Variants in PLXNA1 observed in about 807,000 individuals in gnomAD.
PLXNA1 encodes the protein plexin A1.
A neutral mutation model predicts 191.7 loss-of-function variants in PLXNA1; 77 were observed. The observed-to-expected ratio is 0.40, with a 90% confidence interval of 0.33 to 0.49. PLXNA1 has a LOEUF of 0.49. Among genes scored for constraint, PLXNA1 ranks in the 20% least tolerant of loss-of-function variants. The pLI is 0.63. For synonymous variants in PLXNA1, 1,137 were observed against 1,156.4 expected, an observed-to-expected ratio of 0.98 and a Z score of 0.34; for missense variants, 2,110 against 2,660.2, an observed-to-expected ratio of 0.79 and a Z score of 4.55.
chr3:127,003,212 G>A lies in PLXNA1; in HGVS notation c.1378-118G>A, dbSNP rs934899663. ...AGTATGGCTGGCGCTGGTCCTCTCT[G>A]CTCATGCATGTCTGGGCAGCTCAGG... On this transcript the variant is annotated intron_variant, in intron 3 of 31. Coordinates refer to ENST00000393409, the MANE Select transcript of PLXNA1 (RefSeq NM_032242.4). 4.2e-6 allele frequency: 5 copies of A among 1,180,632 alleles called. No homozygotes were observed. In the African/African-American group the frequency reaches 7.7e-5, roughly 18 times the overall value. The allele number at this position is 1,180,632 out of a possible 1,614,324, so 73.1% of individuals were successfully genotyped here. A position where few individuals can be genotyped will look rare whatever the true frequency, so the allele number is the denominator to read the frequency against.
In PLXNA1 at chr3:127,032,509, C is replaced by T. The variant is rs760083466; in HGVS notation, c.5354C>T (p.Ser1785Phe). The T allele has an allele frequency of 1.2e-6, 2 of 1,614,092 alleles. No homozygotes were observed. Among genetic ancestry groups the T allele is most frequent in the Non-Finnish European group, 1.7e-6 (2 of 1,180,012 alleles). Residue 1785 changes from serine to phenylalanine, a missense_variant, in exon 30 of 32, where the codon TCC becomes TTC. Physicochemically the swap from Ser to Phe is radical, Grantham distance 155 (BLOSUM62 -2). This residue lies in a region of PLXNA1 where 559 missense variants were observed against 911.5 expected (regional missense o/e 0.61). Coordinates refer to ENST00000393409, the MANE Select transcript of PLXNA1 (RefSeq NM_032242.4). Reference protein sequence around the residue: ...VVAQTFMDSCSTSEHKLGKDS... With the variant: ...VVAQTFMDSCFTSEHKLGKDS... ...GCCCAGACCTTCATGGACTCCTGCTCCACCTCTGAGCACAAGCTGGGCAAG... is the reference window on the plus strand; with the variant it reads ...GCCCAGACCTTCATGGACTCCTGCTTCACCTCTGAGCACAAGCTGGGCAAG...
rs1480417136 is a variant in PLXNA1, at chr3:127,035,632, AGCAAAC to A, written c.*1616_*1621del. 9 of 152,640 alleles carry A rather than the reference AGCAAAC, an allele frequency of 5.9e-5. No individual in the cohort carries two copies. Among genetic ancestry groups the A allele is most frequent in the African/African-American group, 2.2e-4 (9 of 41,456 alleles). 9.5% of individuals were successfully genotyped at this position (152,640 alleles called of 1,614,324 possible). The stretch of plus-strand genomic sequence containing the variant: ...TTTTAATTAATCAGTCACTTGTAAA[AGCAAAC>A]AAGCGGTCCATCCCCTTTTCAAGGT... On this transcript the variant is annotated 3_prime_UTR_variant, in exon 32 of 32. Coordinates refer to ENST00000393409, the MANE Select transcript of PLXNA1 (RefSeq NM_032242.4).
At position 127,037,120 on chromosome 3, in the gene PLXNA1, GAT is replaced by G. The variant is rs2079248189; in HGVS notation, c.*3108_*3109del. The stretch of plus-strand genomic sequence containing the variant: ...ACGTTGGTGCTACACAGCTAGAATA[GAT>G]ATATTTAGAGAGAGAGATATTTTTA... On this transcript the variant is annotated 3_prime_UTR_variant, in exon 32 of 32. Transcript: ENST00000393409. 1 of 152,582 alleles carries G rather than the reference GAT, an allele frequency of 6.6e-6. No homozygotes were observed. Among genetic ancestry groups the G allele is most frequent in the African/African-American group, 2.4e-5 (1 of 41,466 alleles). 9.5% of individuals were successfully genotyped at this position (152,582 alleles called of 1,614,324 possible).
At chr3:127,009,730 T>C (rs545861197) in intron 9 of PLXNA1, among the ~76,000 whole-genome samples, 1 of 152,286 alleles carries the variant, frequency 6.6e-6, no homozygotes, top group East Asian at 1.9e-4. Context: ...TGGCCCCTTC[T>C]TGTGCCTGCC....
chr3:127,026,314 G>A (rs1472165202), intron 23 of PLXNA1: 1 of 152,200 alleles, frequency 6.6e-6, no homozygotes, highest in Admixed American at 6.5e-5. Flanking sequence ...GCCTTCTCTG[G>A]GTACACCTGG....
At position 126,989,802 on chromosome 3, in the gene PLXNA1, G is replaced by A. The variant is rs1380942647; in HGVS notation, c.1194+15G>A. The stretch of plus-strand genomic sequence containing the variant: ...GCATCAACTCGGTGAGTTGGGCAGG[G>A]GCGCCCCTCCTCCCGCGGCCCCATC... On this transcript the variant is annotated intron_variant, in intron 2 of 31. Coordinates refer to ENST00000393409, the MANE Select transcript of PLXNA1 (RefSeq NM_032242.4). 5 of 1,586,774 alleles carry A rather than the reference G, an allele frequency of 3.2e-6. No individual in the cohort carries two copies. Among genetic ancestry groups the A allele is most frequent in the African/African-American group, 1.3e-5 (1 of 74,466 alleles).
At chr3:126,986,526 A>C (rs1012049173) in intron 1 of PLXNA1, among the ~76,000 whole-genome samples, 13 of 152,080 alleles carry the variant, frequency 8.5e-5, no homozygotes. Context: ...GGGCTGCCGC[A>C]CCCAGACCTG....
chr3:127,032,237 A>T, intron 29 of PLXNA1, 150 bp from the exon 30 acceptor site: 1 of 728,522 alleles, frequency 1.4e-6, no homozygotes, highest in Non-Finnish European at 2.2e-6. Context: ...GCCTTCACTT[A>T]ACCATGGGCC....
intron 23 of PLXNA1, chr3:127,027,194 GT>G (rs1473100928): frequency 8.7e-5 from 17 of 195,154 alleles, no homozygotes; most frequent in Non-Finnish European, 1.7e-4. Flanking sequence ...GAAATTTCTG[GT>G]TGTAGAGGCA....
Position 127,034,258 on chromosome 3 carries a change from C to T in PLXNA1, c.*241C>T, listed in dbSNP as rs1351976495. 6.5e-6 allele frequency: 3 copies of T among 458,176 alleles called. No individual in the cohort carries two copies. The highest frequency in any genetic ancestry group is 1.2e-5 in the Non-Finnish European group (3 of 256,342). 28.4% of individuals were successfully genotyped at this position (458,176 alleles called of 1,614,324 possible). On this transcript the variant is annotated 3_prime_UTR_variant, in exon 32 of 32. Coordinates refer to ENST00000393409, the MANE Select transcript of PLXNA1 (RefSeq NM_032242.4). The stretch of plus-strand genomic sequence containing the variant: ...TGCTTGCTCAGGGGCCGGGACAGCA[C>T]TGGGTGCTCAGGCTGGCCAAGGACC...
In PLXNA1 at chr3:127,028,274, CT is replaced by C; in HGVS notation, c.4604del (p.Leu1535ArgfsTer50). ...CDTVTQAKEK[L>X]LDAAYKGVPY... The stretch of plus-strand genomic sequence containing the variant: ...CACGGTCACCCAGGCCAAGGAGAAG[CT>C]GCTGGACGCTGCCTACAAGGGCGTG... On this transcript the variant is annotated frameshift_variant, in exon 25 of 32. Transcript: ENST00000393409. LOFTEE classifies it high-confidence loss of function. 6.2e-7 allele frequency: 1 copy of C among 1,612,862 alleles called. No individual in the cohort carries two copies.
intron 20 of PLXNA1, among the ~76,000 whole-genome samples, chr3:127,019,357 G>T (rs946113018): frequency 3.0e-4 from 45 of 152,190 alleles, no homozygotes; most frequent in African/African-American, 9.4e-4. Context: ...CCTGTGGTGG[G>T]CTGAGGGTCA....
Position 127,020,356 on chromosome 3 carries a change from G to A in PLXNA1, c.4038+12G>A. ...TCAAGGAGATGGAGGTAGGACCACTGGCTCCGGGGGGTCACAGGAACTCAG... is the reference window on the plus strand; with the variant it reads ...TCAAGGAGATGGAGGTAGGACCACTAGCTCCGGGGGGTCACAGGAACTCAG... On this transcript the variant is annotated intron_variant, in intron 21 of 31. Coordinates refer to ENST00000393409, the MANE Select transcript of PLXNA1 (RefSeq NM_032242.4). The A allele has an allele frequency of 1.9e-6, 3 of 1,610,986 alleles. No homozygotes were observed. The highest frequency in any genetic ancestry group is 2.5e-6 in the Non-Finnish European group (3 of 1,178,972).
At chr3:127,012,791 T>C (rs1015764122) in intron 10 of PLXNA1, among the ~76,000 whole-genome samples, 2 of 152,198 alleles carry the variant, frequency 1.3e-5, no homozygotes, top group African/African-American at 4.8e-5. Flanking sequence ...TCCTGAGTGG[T>C]GGGGGAGTGG....
chr3:127,005,420 A>G (rs985071890), intron 7 of PLXNA1, among the ~76,000 whole-genome samples, 177 bp downstream of exon 7: 2 of 152,182 alleles, frequency 1.3e-5, no homozygotes, highest in Non-Finnish European at 2.9e-5. Flanking sequence ...AAAACCCTCC[A>G]GGCATGTAGC....
rs759546646 is a variant in PLXNA1 at position 127,022,135 on chromosome 3, C to G, written c.4089C>G (p.Thr1363=). The G allele has an allele frequency of 6.2e-6, 10 of 1,613,162 alleles. No individual in the cohort carries two copies. The East Asian group carries it at 1.6e-4, about 25-fold the overall frequency. The change falls in exon 22 of 32, where the codon ACC becomes ACG. Residue 1363 remains threonine (T), a synonymous_variant. Transcript: ENST00000393409. ...TGACACTGTTCGGGCAGCTGCTGAC[C>G]AAGAAGCACTTCCTGCTGACCTTCA... ...KSLTLFGQLL[T]KKHFLLTFIR...
chr3:127,008,779 C>T (rs890108396), intron 9 of PLXNA1, among the ~76,000 whole-genome samples: 3 of 152,088 alleles, frequency 2.0e-5, no homozygotes, highest in African/African-American at 7.2e-5. Flanking sequence ...TGGTGGCCCT[C>T]TCTCCTCTGG....
intron 31 of PLXNA1, 125 bp downstream of exon 31, chr3:127,032,961 C>T: frequency 1.0e-6 from 1 of 993,158 alleles, no homozygotes. Flanking sequence ...CACCTTCACT[C>T]CTCTGCACCC....
intron 29 of PLXNA1, among the ~76,000 whole-genome samples, chr3:127,032,144 G>T (rs1005392325): frequency 6.6e-5 from 10 of 152,242 alleles, no homozygotes; most frequent in Admixed American, 4.6e-4. Flanking sequence ...AAACGAGTGC[G>T]TTTGAGCACG....
Sources: allele counts gnomAD v4.1 joint callset (sites outside exome capture counted in the v4.1 genomes callset), GRCh38; gene constraint gnomAD v4.1.1; regional missense constraint gnomAD v4.1.1; transcripts MANE v1.5; gene names NCBI Gene and HGNC (gene_info 2026-07-23, HGNC 2026-07-21).